CNTN5: variants seen among roughly 807,000 people sequenced by gnomAD.
CNTN5 encodes the protein contactin 5.
CNTN5 carries 77 observed loss-of-function variants against 129.1 expected under a neutral mutation model. That is an observed-to-expected ratio of 0.60 (90% CI 0.50 to 0.72). The LOEUF is 0.72. Among genes scored for constraint, CNTN5 ranks in the 30% least tolerant of loss-of-function variants. CNTN5 has a pLI of 0.00. For missense variants in CNTN5, 1,478 were observed against 1,328.8 expected, an observed-to-expected ratio of 1.11 and a Z score of -1.75; for synonymous variants, 509 against 465.6, an observed-to-expected ratio of 1.09 and a Z score of -1.20.
At chr11:99,919,748 C>T (rs1174141121) in intron 7 of CNTN5, among the ~76,000 whole-genome samples, 2 of 152,008 alleles carry the variant, frequency 1.3e-5, no homozygotes, top group Admixed American at 6.6e-5. Flanking sequence ...TACTCATGTC[C>T]CTAGGCAATT....
At chr11:100,234,693 A>G (rs1433413082) in intron 16 of CNTN5, among the ~76,000 whole-genome samples, 2 of 151,476 alleles carry the variant, frequency 1.3e-5, no homozygotes, top group Non-Finnish European at 2.9e-5. Flanking sequence ...TAGGAAAAAT[A>G]CCTAATGTAG....
chr11:99,255,789 AACACACACACGCAC>A (rs1408923309), intron 1 of CNTN5, among the ~76,000 whole-genome samples: 3 of 150,690 alleles, frequency 2.0e-5, no homozygotes, highest in Non-Finnish European at 4.4e-5. Flanking sequence ...TACATGCATA[AACACACACACGCAC>A]ACACACACAC....
intron 1 of CNTN5, among the ~76,000 whole-genome samples, chr11:99,215,035 A>G (rs1360188844): frequency 6.6e-6 from 1 of 152,088 alleles, no homozygotes; most frequent in Non-Finnish European, 1.5e-5. Context: ...AAAAAAGAAA[A>G]AAAAAATGAA....
Position 100,176,576 on chromosome 11 carries a change from A to G in CNTN5, c.1581-14550A>G, listed in dbSNP as rs78190733. Among the ~76,000 whole-genome samples the G allele has an allele frequency of 2.7e-3, 408 of 152,144 alleles. 5 individuals are homozygous for G. Among genetic ancestry groups the G allele is most frequent in the African/African-American group, 9.4e-3 (390 of 41,538 alleles). On this transcript the variant is annotated intron_variant, in intron 13 of 24. Coordinates refer to ENST00000524871, the MANE Select transcript of CNTN5 (RefSeq NM_014361.4). ...AATGAAGGCAGGAAAAATTCTATGTAAAGTGGATTAAGGATGAGTTCAGGC... is the reference window on the plus strand; with the variant it reads ...AATGAAGGCAGGAAAAATTCTATGTGAAGTGGATTAAGGATGAGTTCAGGC...
At chr11:99,609,311 C>G (rs1007629033) in intron 3 of CNTN5, among the ~76,000 whole-genome samples, 1 of 152,076 alleles carries the variant, frequency 6.6e-6, no homozygotes, top group African/African-American at 2.4e-5. Context: ...TTATTCTGAG[C>G]AAGGATACAC....
intron 13 of CNTN5, among the ~76,000 whole-genome samples, chr11:100,141,828 CT>C (rs1270274582): frequency 6.6e-6 from 1 of 151,986 alleles, no homozygotes; most frequent in African/African-American, 2.4e-5. Context: ...GTCAATTTGA[CT>C]GGATTAAAGG....
At chr11:100,105,063 G>A (rs7113806) in intron 13 of CNTN5, among the ~76,000 whole-genome samples, 3,298 of 152,184 alleles carry the variant, frequency 0.022, 114 homozygotes, top group African/African-American at 0.074. Context: ...TATATCCTCC[G>A]CATCGCAATT....
chr11:100,049,364 C>A (rs1942843449), intron 9 of CNTN5, among the ~76,000 whole-genome samples: 1 of 151,256 alleles, frequency 6.6e-6, no homozygotes, highest in Non-Finnish European at 1.5e-5. Flanking sequence ...AAACACATAG[C>A]ACAAAAAACA....
chr11:99,815,062 C>T (rs1946540590), intron 3 of CNTN5, among the ~76,000 whole-genome samples: 1 of 152,190 alleles, frequency 6.6e-6, no homozygotes, highest in South Asian at 2.1e-4. Flanking sequence ...ACTCATTTAC[C>T]TCCGTTTGGT....
chr11:99,200,378 C>G (rs1392693361), intron 1 of CNTN5, among the ~76,000 whole-genome samples: 1 of 152,106 alleles, frequency 6.6e-6, no homozygotes, highest in African/African-American at 2.4e-5. Flanking sequence ...ATGATCTTTT[C>G]GTATAAATCA....
chr11:100,155,017 T>C (rs150143595), intron 13 of CNTN5, among the ~76,000 whole-genome samples: 11,589 of 152,182 alleles, frequency 0.076, 908 homozygotes, highest in African/African-American at 0.21. Context: ...AGAAACTCTT[T>C]AGTTTAATTA....
chr11:99,669,877 A>G (rs1215575988), intron 3 of CNTN5, among the ~76,000 whole-genome samples: 1 of 152,182 alleles, frequency 6.6e-6, no homozygotes, highest in East Asian at 1.9e-4. Flanking sequence ...TGCATCTATC[A>G]TAAGCAATAA....
At chr11:99,986,195 C>T (rs1015839387) in intron 8 of CNTN5, among the ~76,000 whole-genome samples, 1 of 152,100 alleles carries the variant, frequency 6.6e-6, no homozygotes, top group African/African-American at 2.4e-5. Flanking sequence ...TTATTGTAAA[C>T]TTTCTCCTCT....
At chr11:99,230,479 C>T (rs1860934800) in intron 1 of CNTN5, among the ~76,000 whole-genome samples, 2 of 151,964 alleles carry the variant, frequency 1.3e-5, no homozygotes, top group African/African-American at 2.4e-5. Context: ...TGCTTATTTG[C>T]TGTGTTTTTA....
chr11:99,037,575 T>TC (rs1238861094), intron 1 of CNTN5, among the ~76,000 whole-genome samples: 3 of 136,410 alleles, frequency 2.2e-5, no homozygotes, highest in South Asian at 2.3e-4. Context: ...TTTTTTCTTT[T>TC]CTTTTTTTTT....
At chr11:100,344,129 A>G (rs1343880531) in intron 23 of CNTN5, among the ~76,000 whole-genome samples, 1 of 152,050 alleles carries the variant, frequency 6.6e-6, no homozygotes, top group African/African-American at 2.4e-5. Context: ...CACTTTTGCA[A>G]GCAGAAAGGA....
At chr11:99,439,903 A>G (rs1943759147) in intron 2 of CNTN5, among the ~76,000 whole-genome samples, 1 of 152,106 alleles carries the variant, frequency 6.6e-6, no homozygotes, top group South Asian at 2.1e-4. Flanking sequence ...TTTAAAATAT[A>G]CATAAAACAT....
At chr11:99,790,980 C>A (rs1027040632) in intron 3 of CNTN5, among the ~76,000 whole-genome samples, 1 of 151,940 alleles carries the variant, frequency 6.6e-6, no homozygotes, top group Admixed American at 6.6e-5. Context: ...CTGTTTATGA[C>A]CTTTGCCCAC....
chr11:100,017,354 C>A (rs1210300961), intron 9 of CNTN5, among the ~76,000 whole-genome samples: 1 of 151,960 alleles, frequency 6.6e-6, no homozygotes, highest in Non-Finnish European at 1.5e-5. Context: ...AGACCCAATG[C>A]ATACTTTTTT....
Sources: allele counts gnomAD v4.1 joint callset (sites outside exome capture counted in the v4.1 genomes callset), GRCh38; gene constraint gnomAD v4.1.1; transcripts MANE v1.5; gene names NCBI Gene and HGNC (gene_info 2026-07-23, HGNC 2026-07-21).